COL11A1: variants seen among roughly 807,000 people sequenced by gnomAD.
The protein encoded by COL11A1 is collagen type XI alpha 1 chain, also known as collagen alpha-1(XI) chain.
COL11A1 carries 74 observed loss-of-function variants against 265.2 expected under a neutral mutation model. The ratio of observed to expected loss-of-function variants is 0.28; its 90% CI spans 0.23 to 0.34. The LOEUF is 0.34. COL11A1 is among the 10% of genes least tolerant of loss of function. COL11A1 has a pLI of 1.00. For missense variants in COL11A1, 2,165 were observed against 2,263.6 expected, an observed-to-expected ratio of 0.96 and a Z score of 0.88; for synonymous variants, 816 against 727.6, an observed-to-expected ratio of 1.12 and a Z score of -1.96.
At chr1:103,104,265 C>T (rs1313843063) in intron 1 of COL11A1, among the ~76,000 whole-genome samples, 1 of 151,828 alleles carries the variant, frequency 6.6e-6, no homozygotes, top group Admixed American at 6.6e-5. Context: ...GAGAATTTAT[C>T]CTAGGAAAAA....
At chr1:103,083,838 G>A (rs1015392916) in intron 1 of COL11A1, among the ~76,000 whole-genome samples, 21 of 151,994 alleles carry the variant, frequency 1.4e-4, no homozygotes, top group African/African-American at 4.8e-4. Flanking sequence ...TGTAGTCTTA[G>A]GGTATGTAAA....
chr1:103,107,992 G>A, intron 1 of COL11A1, 81 bp downstream of exon 1: 2 of 952,392 alleles, frequency 2.1e-6, no homozygotes, highest in East Asian at 2.4e-5. Flanking sequence ...GAGCGGGGAG[G>A]AAGGGTAAAG....
At chr1:103,058,147 G>T (rs1353531835) in intron 4 of COL11A1, among the ~76,000 whole-genome samples, 1 of 152,168 alleles carries the variant, frequency 6.6e-6, no homozygotes, top group Admixed American at 6.5e-5. Context: ...TTCTATATCA[G>T]CACTTGCTGT....
chr1:103,008,354 A>T (rs1665814929), intron 15 of COL11A1, 109 bp downstream of exon 15: 2 of 825,222 alleles, frequency 2.4e-6, no homozygotes, highest in African/African-American at 1.7e-5. Context: ...ACATCAATGG[A>T]ATACTACTCA....
chr1:103,006,526 ATTTTTTTTTTTT>A lies in COL11A1; in HGVS notation c.1684-223_1684-212del, dbSNP rs4013849. Among the ~76,000 whole-genome samples the A allele has an allele frequency of 6.1e-3, 503 of 82,882 alleles. 5 individuals carry two copies. Among genetic ancestry groups the A allele is most frequent in the African/African-American group, 0.021 (429 of 20,674 alleles). The allele number at this position is 82,882 out of a possible 152,430, so 54.4% of individuals were successfully genotyped here. On this transcript the variant is annotated intron_variant, in intron 15 of 66. Coordinates refer to ENST00000370096, the MANE Select transcript of COL11A1 (RefSeq NM_001854.4). ...ATACCTATTTTTTCTAAATGGCTCC[ATTTTTTTTTTTT>A]TTTTTTTTTTTTTTTTTGAGACGGA...
At chr1:103,105,246 T>C (rs1674603132) in intron 1 of COL11A1, among the ~76,000 whole-genome samples, 1 of 152,208 alleles carries the variant, frequency 6.6e-6, no homozygotes, top group African/African-American at 2.4e-5. Context: ...AGAATATCAA[T>C]AAATCGCTGA....
intron 4 of COL11A1, among the ~76,000 whole-genome samples, chr1:103,033,560 C>T (rs561002315): frequency 4.6e-5 from 7 of 151,604 alleles, no homozygotes; most frequent in African/African-American, 1.7e-4. Context: ...TACATCTTTA[C>T]ATACTATGAG....
intron 18 of COL11A1, 38 bp downstream of exon 18, chr1:103,005,800 T>C (rs375927462): frequency 1.9e-6 from 3 of 1,610,500 alleles, no homozygotes; most frequent in East Asian, 2.2e-5. Context: ...AAATATTTTA[T>C]AACATTCCCT....
chr1:103,036,390 AATAT>A (rs1668378154), intron 4 of COL11A1, among the ~76,000 whole-genome samples: 1 of 146,304 alleles, frequency 6.8e-6, no homozygotes, highest in Non-Finnish European at 1.5e-5. Context: ...ATATAATATA[AATAT>A]ATATCTATAT....
intron 49 of COL11A1, among the ~76,000 whole-genome samples, chr1:102,916,398 C>T (rs1407466642): frequency 1.3e-5 from 2 of 152,032 alleles, no homozygotes; most frequent in Non-Finnish European, 2.9e-5. Flanking sequence ...AAAAATATAA[C>T]ATCTTGTTCA....
At chr1:102,904,938 G>A (rs1474870127) in intron 54 of COL11A1, among the ~76,000 whole-genome samples, 6 of 152,020 alleles carry the variant, frequency 3.9e-5, no homozygotes, top group Non-Finnish European at 7.4e-5. Context: ...GTTTATAGCG[G>A]CACTATTCAC....
At chr1:103,074,572 T>C (rs759502067) in intron 4 of COL11A1, 46 bp downstream of exon 4, 3 of 1,601,386 alleles carry the variant, frequency 1.9e-6, no homozygotes, top group Non-Finnish European at 2.6e-6. Context: ...TTAACCCAGT[T>C]CATCTGATTT....
At chr1:103,053,914 A>G (rs1283900039) in intron 4 of COL11A1, among the ~76,000 whole-genome samples, 3 of 152,234 alleles carry the variant, frequency 2.0e-5, no homozygotes, top group Admixed American at 6.5e-5. Flanking sequence ...CCTTTTAGAA[A>G]GAACAACTGC....
At chr1:103,040,069 A>G (rs1459701622) in intron 4 of COL11A1, among the ~76,000 whole-genome samples, 1 of 152,100 alleles carries the variant, frequency 6.6e-6, no homozygotes, top group East Asian at 1.9e-4. Flanking sequence ...CAAATTTTTA[A>G]GAAATATCCA....
rs562811740 is a variant in COL11A1 at position 103,081,445 on chromosome 1, A to T, written c.274+1360T>A. 3.1e-3 allele frequency among the ~76,000 whole-genome samples: 464 copies of T among 151,976 alleles called. 3 individuals carry two copies. The highest frequency in any genetic ancestry group is 0.011 in the African/African-American group (450 of 41,516). On this transcript the variant is annotated intron_variant, in intron 2 of 66. Coordinates refer to ENST00000370096, the MANE Select transcript of COL11A1 (RefSeq NM_001854.4). The stretch of plus-strand genomic sequence containing the variant: ...TTTTAATTTTTTTAAATCTATTTTT[A>T]AAATGTTTTATGGATTTAATAATCA...
Position 103,026,820 on chromosome 1 carries a change from G to A in COL11A1, c.781-488C>T, listed in dbSNP as rs1311422761. On this transcript the variant is annotated intron_variant, in intron 5 of 66. Coordinates refer to ENST00000370096, the MANE Select transcript of COL11A1 (RefSeq NM_001854.4). ...AGGATTTTCATATCTATTGAGAGAC[G>A]GGAAAGAGGGGAGGAGGGAAAGGGA... Among the ~76,000 whole-genome samples, 6 of 151,930 alleles carry A rather than the reference G, an allele frequency of 3.9e-5. No individual in the cohort carries two copies. In the East Asian group the frequency reaches 5.8e-4, roughly 15 times the overall value.
chr1:103,085,445 G>A (rs1190270145), intron 1 of COL11A1, among the ~76,000 whole-genome samples: 1 of 152,162 alleles, frequency 6.6e-6, no homozygotes, highest in East Asian at 1.9e-4. Flanking sequence ...GGATGTGGAA[G>A]GAAACCAGAG....
At position 103,072,005 on chromosome 1, in the gene COL11A1, T is replaced by C. The variant is rs1044085218; in HGVS notation, c.651+2613A>G. On this transcript the variant is annotated intron_variant, in intron 4 of 66. Coordinates refer to ENST00000370096, the MANE Select transcript of COL11A1 (RefSeq NM_001854.4). Reference sequence around the variant, plus strand: ...TTGAAACTGATATAGAGTAATTATATAGAGAAGGTTGAATATTAAGCTATA... The same window carrying C: ...TTGAAACTGATATAGAGTAATTATACAGAGAAGGTTGAATATTAAGCTATA... 5.9e-5 allele frequency among the ~76,000 whole-genome samples: 9 copies of C among 151,678 alleles called. No homozygotes were observed. In the East Asian group the frequency reaches 1.2e-3, roughly 20 times the overall value.
chr1:102,877,744 C>A lies in COL11A1; in HGVS notation c.*275G>T. 2.7e-6 allele frequency: 1 copy of A among 374,236 alleles called. No individual in the cohort carries two copies. The highest frequency in any genetic ancestry group is 3.3e-5 in the South Asian group (1 of 30,762). The allele number at this position is 374,236 out of a possible 1,614,324, so 23.2% of individuals were successfully genotyped here. On this transcript the variant is annotated 3_prime_UTR_variant, in exon 67 of 67. Transcript: ENST00000370096. The stretch of plus-strand genomic sequence containing the variant: ...TTTCTTTTTTTGTTTTCTACAGCAC[C>A]AAAGAAATTCAAATAGGAAAAGGAG...
Sources: allele counts gnomAD v4.1 joint callset (sites outside exome capture counted in the v4.1 genomes callset), GRCh38; gene constraint gnomAD v4.1.1; transcripts MANE v1.5; gene names NCBI Gene and HGNC (gene_info 2026-07-23, HGNC 2026-07-21).